Variants in VPS13B observed in about 807,000 individuals in gnomAD.
VPS13B encodes vacuolar protein sorting 13 homolog B.
A neutral mutation model predicts 426.4 loss-of-function variants in VPS13B; 285 were observed. The observed-to-expected ratio is 0.67, with a 90% CI of 0.61 to 0.74. The LOEUF is 0.74. Among genes scored for constraint, VPS13B ranks in the 30% least tolerant of loss-of-function variants. VPS13B has a pLI of 0.00. For missense variants in VPS13B, 4,537 were observed against 4,782.6 expected (o/e 0.95, Z 1.51); for synonymous variants, 1,676 against 1,676.4 (o/e 1.00, Z 0.01).
intron 17 of VPS13B, among the ~76,000 whole-genome samples, chr8:99,207,854 A>G (rs2132783337): frequency 6.6e-6 from 1 of 152,316 alleles, no homozygotes; most frequent in South Asian, 2.1e-4. Flanking sequence ...TTTTGAAAAT[A>G]TGTAGTTTGC....
At chr8:99,817,916 G>T in intron 45 of VPS13B, 113 bp downstream of exon 45, 1 of 1,514,222 alleles carries the variant, frequency 6.6e-7, no homozygotes, top group Non-Finnish European at 9.0e-7. Context: ...TAAAAAAGGG[G>T]AGTGAAAGGC....
chr8:99,691,460 G>A (rs1831659903), intron 35 of VPS13B, among the ~76,000 whole-genome samples: 1 of 151,928 alleles, frequency 6.6e-6, no homozygotes, highest in Admixed American at 6.6e-5. Flanking sequence ...TGGGGAGAAA[G>A]GAACATTTTA....
rs1847625367 is a variant in VPS13B at position 99,115,757 on chromosome 8, T to C, written c.820T>C (p.Phe274Leu). ...LSITDQQLPM[F>L]IRIMQLGIAL... ...TATCACAGATCAACAACTGCCTATG[T>C]TTATTCGTATAATGCAACTTGGAAT... The change falls in exon 7 of 62, where the codon TTT becomes CTT. Residue 274 changes from phenylalanine to leucine, a missense_variant. This residue lies in a region of VPS13B where 4,311 missense variants were observed against 4,474.3 expected (regional missense o/e 0.96). Transcript: ENST00000357162. The C allele has an allele frequency of 1.2e-6, 2 of 1,613,436 alleles. No homozygotes were observed. The highest frequency in any genetic ancestry group is 2.2e-5 in the South Asian group (2 of 90,938).
chr8:99,318,984 T>G (rs1197443258), intron 19 of VPS13B, among the ~76,000 whole-genome samples: 2 of 152,208 alleles, frequency 1.3e-5, no homozygotes, highest in African/African-American at 4.8e-5. Flanking sequence ...GTAACATGTA[T>G]TTTCTTATGT....
intron 39 of VPS13B, among the ~76,000 whole-genome samples, chr8:99,743,193 G>T (rs1194260945): frequency 2.6e-5 from 4 of 152,118 alleles, no homozygotes; most frequent in Non-Finnish European, 5.9e-5. Context: ...CAGACAAACA[G>T]CCAAATCATG....
intron 17 of VPS13B, among the ~76,000 whole-genome samples, chr8:99,205,403 A>G (rs1360100391): frequency 6.6e-6 from 1 of 152,196 alleles, no homozygotes; most frequent in Non-Finnish European, 1.5e-5. Context: ...TATCTAATGT[A>G]GATGACGGGT....
intron 23 of VPS13B, among the ~76,000 whole-genome samples, chr8:99,453,356 G>A (rs1249919486): frequency 6.6e-6 from 1 of 152,092 alleles, no homozygotes; most frequent in African/African-American, 2.4e-5. Flanking sequence ...GATTCCTTGG[G>A]GAGAAAAGGA....
chr8:99,745,050 G>C (rs1241191584), intron 39 of VPS13B, among the ~76,000 whole-genome samples: 1 of 151,512 alleles, frequency 6.6e-6, no homozygotes. Context: ...CATGTAATAG[G>C]CATGGCCCTT....
chr8:99,221,468 A>G (rs1471360987), intron 17 of VPS13B, among the ~76,000 whole-genome samples: 1 of 152,216 alleles, frequency 6.6e-6, no homozygotes, highest in African/African-American at 2.4e-5. Context: ...GAAAAATGAA[A>G]AGGAGAGAAA....
At chr8:99,731,207 G>A (rs527452099) in intron 39 of VPS13B, among the ~76,000 whole-genome samples, 4 of 152,176 alleles carry the variant, frequency 2.6e-5, no homozygotes, top group South Asian at 2.1e-4. Flanking sequence ...TTCCATGGTG[G>A]GAAAAGAGAA....
chr8:99,615,434 C>A (rs1281452034), intron 33 of VPS13B, among the ~76,000 whole-genome samples: 2 of 152,084 alleles, frequency 1.3e-5, no homozygotes, highest in Admixed American at 6.6e-5. Flanking sequence ...TATTGTGAGG[C>A]CTTGCTGAAA....
Position 99,868,451 on chromosome 8 carries a change from C to G in VPS13B, c.11378C>G (p.Ser3793Ter), listed in dbSNP as rs794727771. 1 of 1,612,468 alleles carries G rather than the reference C, an allele frequency of 6.2e-7. No homozygotes were observed. Among genetic ancestry groups the G allele is most frequent in the Non-Finnish European group, 8.5e-7 (1 of 1,179,368 alleles). Residue 3793 changes from serine (S) to a stop codon, truncating the protein, a stop_gained, in exon 59 of 62, where the codon TCA becomes TGA. Coordinates refer to ENST00000357162, the MANE Select transcript of VPS13B (RefSeq NM_152564.5). LOFTEE classifies it high-confidence loss of function. ...ATCGGAGGAGCTGCTGAGCTGGTGT[C>G]ACAGACTGGCTATGGTAAGTCGGTG... is the stretch of plus-strand genomic sequence containing the variant. ...KPIGGAAELVSQTGYGILHGA... is the reference protein window; with the variant it reads ...KPIGGAAELV
At chr8:99,640,616 G>C (rs1176573389) in intron 33 of VPS13B, among the ~76,000 whole-genome samples, 2 of 152,020 alleles carry the variant, frequency 1.3e-5, no homozygotes, top group Non-Finnish European at 2.9e-5. Context: ...AATATTACTA[G>C]GTGTTTGTCA....
intron 28 of VPS13B, among the ~76,000 whole-genome samples, chr8:99,509,711 TCTC>T (rs1260226368): frequency 6.6e-6 from 1 of 152,116 alleles, no homozygotes; most frequent in Non-Finnish European, 1.5e-5. Context: ...CTCTTAAAAA[TCTC>T]CTCTTTGGAC....
intron 2 of VPS13B, among the ~76,000 whole-genome samples, chr8:99,034,930 C>T (rs916948995): frequency 2.0e-5 from 3 of 152,118 alleles, no homozygotes; most frequent in East Asian, 1.9e-4. Flanking sequence ...CATGGTAGCT[C>T]GTGCCTGCAA....
At chr8:99,413,264 A>C (rs748266003) in intron 21 of VPS13B, among the ~76,000 whole-genome samples, 3 of 151,986 alleles carry the variant, frequency 2.0e-5, no homozygotes, top group Non-Finnish European at 4.4e-5. Context: ...CAGGGATTCA[A>C]CTTCTTCCTG....
intron 38 of VPS13B, 68 bp from the exon 39 acceptor site, chr8:99,720,795 C>T: frequency 7.0e-7 from 1 of 1,423,512 alleles, no homozygotes; most frequent in African/African-American, 1.4e-5. Flanking sequence ...ATTTCTTCTT[C>T]CTTTACTTTT....
chr8:99,147,950 A>G lies in VPS13B; in HGVS notation c.1953A>G (p.Thr651=), dbSNP rs756544361. Reference sequence around the variant, plus strand: ...TTACTCTCCTCAAATGTACCTGCACAATTTCCATGGCTGAATTCAACTTGC... The same window carrying G: ...TTACTCTCCTCAAATGTACCTGCACGATTTCCATGGCTGAATTCAACTTGC... ...TSVTLLKCTC[T]ISMAEFNLLD... Residue 651 remains threonine, a synonymous_variant, in exon 14 of 62, where the codon ACA becomes ACG. Transcript: ENST00000357162. The G allele has an allele frequency of 2.5e-6, 4 of 1,613,854 alleles. No individual in the cohort carries two copies. The South Asian group carries it at 4.4e-5, about 18-fold the overall frequency.
intron 33 of VPS13B, among the ~76,000 whole-genome samples, chr8:99,582,708 T>G (rs1437461643): frequency 1.3e-5 from 2 of 152,062 alleles, no homozygotes; most frequent in Non-Finnish European, 2.9e-5. Context: ...CAGGCAGGAG[T>G]GCAGTGGCGC....
Sources: allele counts gnomAD v4.1 joint callset (sites outside exome capture counted in the v4.1 genomes callset), GRCh38; gene constraint gnomAD v4.1.1; regional missense constraint gnomAD v4.1.1; transcripts MANE v1.5; gene names NCBI Gene and HGNC (gene_info 2026-07-23, HGNC 2026-07-21).